Variants in KLHL8 observed in about 807,000 individuals in gnomAD.
KLHL8 encodes kelch-like protein 8.
Under a neutral mutation model 63.5 loss-of-function variants are expected in KLHL8, and 38 were observed. That is an observed-to-expected ratio of 0.60 (90% CI 0.46 to 0.78). The LOEUF (loss-of-function observed/expected upper bound fraction) is 0.78, where lower values mean the gene tolerates loss of function less well. Ranked by LOEUF, KLHL8 falls within the 30% of genes least tolerant of loss-of-function variation. The pLI, the probability that KLHL8 is intolerant of heterozygous loss-of-function variation, is 0.00. For synonymous variants in KLHL8, 224 were observed against 254.3 expected, an observed-to-expected ratio of 0.88 and a Z score of 1.13; for missense variants, 566 against 752.4, an observed-to-expected ratio of 0.75 and a Z score of 2.90.
chr4:87,216,669 T>C (rs761456633), intron 1 of KLHL8, among the ~76,000 whole-genome samples: 8 of 152,076 alleles, frequency 5.3e-5, no homozygotes, highest in Non-Finnish European at 1.2e-4. Flanking sequence ...CATAATTCTC[T>C]CTCTGACTCA....
At chr4:87,220,267 T>C (rs890244497) in intron 1 of KLHL8, 151 bp downstream of exon 1, 3 of 152,162 alleles carry the variant, frequency 2.0e-5, no homozygotes, top group Non-Finnish European at 4.4e-5. Flanking sequence ...GGGCTCGAAT[T>C]TCCTCCGCAC....
chr4:87,218,920 G>C (rs979599263), intron 1 of KLHL8, among the ~76,000 whole-genome samples: 2 of 152,008 alleles, frequency 1.3e-5, no homozygotes, highest in Admixed American at 1.3e-4. Context: ...ATTTTTAGTA[G>C]AGATGGGGTT....
chr4:87,199,114 T>A (rs1189604620), intron 1 of KLHL8, among the ~76,000 whole-genome samples: 1 of 151,912 alleles, frequency 6.6e-6, no homozygotes, highest in Admixed American at 6.6e-5. Context: ...ACTTTAAGTA[T>A]AAAGACACAA....
At chr4:87,201,664 A>G (rs1731924654) in intron 1 of KLHL8, among the ~76,000 whole-genome samples, 1 of 152,222 alleles carries the variant, frequency 6.6e-6, no homozygotes, top group African/African-American at 2.4e-5. Flanking sequence ...AAGAAATTAC[A>G]TTGTATAAAA....
At chr4:87,194,601 G>C (rs1731624563) in intron 2 of KLHL8, among the ~76,000 whole-genome samples, 1 of 152,210 alleles carries the variant, frequency 6.6e-6, no homozygotes, top group Non-Finnish European at 1.5e-5. Flanking sequence ...TTAAGCCCAA[G>C]AGTTCACCAA....
chr4:87,178,748 G>A, intron 4 of KLHL8, 128 bp from the exon 5 acceptor site: 1 of 857,898 alleles, frequency 1.2e-6, no homozygotes, highest in Non-Finnish European at 1.7e-6. Flanking sequence ...ATGTTATTAT[G>A]TTACTAGAAA....
intron 2 of KLHL8, among the ~76,000 whole-genome samples, chr4:87,191,054 G>A (rs1342791657): frequency 6.6e-6 from 1 of 152,134 alleles, no homozygotes; most frequent in Admixed American, 6.5e-5. Flanking sequence ...AGATGGCTTA[G>A]GTTTCTACAT....
chr4:87,163,797 C>T, intron 9 of KLHL8, 81 bp downstream of exon 9: 1 of 1,535,674 alleles, frequency 6.5e-7, no homozygotes, highest in Admixed American at 1.7e-5. Context: ...TTAACTACGA[C>T]TAGCAACATT....
intron 1 of KLHL8, chr4:87,207,256 T>A: frequency 1.7e-6 from 1 of 572,594 alleles, no homozygotes; most frequent in Non-Finnish European, 3.3e-6. Flanking sequence ...GCAAATTCCA[T>A]GCACCGTAAA....
Position 87,160,709 on chromosome 4 carries a change from A to C in KLHL8, c.*2810T>G, listed in dbSNP as rs964324775. On this transcript the variant is annotated 3_prime_UTR_variant, in exon 10 of 10. Transcript: ENST00000273963. ...CGCAATATAGTAAAGCAATGGCTTT[A>C]ATGACTAAATGAAAGAATCACAAAG... 3.9e-5 allele frequency: 6 copies of C among 152,252 alleles called. No individual in the cohort carries two copies. The highest frequency in any genetic ancestry group is 5.9e-5 in the Non-Finnish European group (4 of 68,042). 9.4% of individuals were successfully genotyped at this position (152,252 alleles called of 1,614,324 possible).
chr4:87,174,280 C>T (rs977703485), intron 6 of KLHL8, among the ~76,000 whole-genome samples: 1 of 148,302 alleles, frequency 6.7e-6, no homozygotes, highest in Admixed American at 6.8e-5. Context: ...ATATCACCTG[C>T]AAGTTTTTTT....
intron 1 of KLHL8, among the ~76,000 whole-genome samples, chr4:87,230,195 T>C (rs533916073): frequency 6.6e-6 from 1 of 151,610 alleles, no homozygotes; most frequent in South Asian, 2.1e-4. Context: ...ACCTCTTGAC[T>C]AAGGTCTTGA....
chr4:87,220,088 G>T (rs1418218235), intron 1 of KLHL8: 1 of 152,706 alleles, frequency 6.5e-6, no homozygotes, highest in African/African-American at 2.4e-5. Flanking sequence ...GAGCTGCCGG[G>T]GAGGCTGACA....
rs374205931 is a variant in KLHL8, at chr4:87,163,899, G to A, written c.1718C>T (p.Ala573Val). Residue 573 changes from alanine to valine, a missense_variant, in exon 9 of 10, where the codon GCG (alanine) becomes GTG (valine). Transcript: ENST00000273963. ...TTACCTATTCAGCACTGGATCAAAC[G>A]CTTCTACTGTATTTAAGTATGCATT... ...NGNAYLNTVE[A>V]FDPVLNRWEL... is the part of the protein sequence containing the mutation. 77 of 1,613,784 alleles carry A rather than the reference G, an allele frequency of 4.8e-5. No individual in the cohort carries two copies. Among genetic ancestry groups the A allele is most frequent in the Non-Finnish European group, 6.2e-5 (73 of 1,179,920 alleles).
At chr4:87,213,020 C>A (rs1163253917) in intron 1 of KLHL8, among the ~76,000 whole-genome samples, 1 of 152,208 alleles carries the variant, frequency 6.6e-6, no homozygotes, top group Non-Finnish European at 1.5e-5. Flanking sequence ...TTGTTAAATA[C>A]TAATGTCATT....
At chr4:87,183,483 A>G in intron 3 of KLHL8, 94 bp from the exon 4 acceptor site, 3 of 971,214 alleles carry the variant, frequency 3.1e-6, no homozygotes, top group Non-Finnish European at 4.5e-6. Flanking sequence ...TGAAAACAAG[A>G]TGAGTAATTC....
chr4:87,210,154 A>G (rs1732343117), intron 1 of KLHL8, among the ~76,000 whole-genome samples: 1 of 149,056 alleles, frequency 6.7e-6, no homozygotes, highest in Non-Finnish European at 1.5e-5. Context: ...CACTACGCCC[A>G]GCCCCAAATG....
At chr4:87,200,356 C>G (rs748215233) in intron 1 of KLHL8, among the ~76,000 whole-genome samples, 3 of 152,198 alleles carry the variant, frequency 2.0e-5, no homozygotes, top group Non-Finnish European at 4.4e-5. Flanking sequence ...CATCCTCCTA[C>G]ATATTTTAAA....
chr4:87,170,354 T>C, intron 7 of KLHL8, 93 bp downstream of exon 7: 1 of 1,428,614 alleles, frequency 7.0e-7, no homozygotes, highest in East Asian at 2.3e-5. Context: ...ATATATAATA[T>C]CTTCATACTG....
Sources: gnomAD v4.1 joint callset for allele counts (sites outside exome capture counted in the v4.1 genomes callset) on GRCh38, gnomAD v4.1.1 for gene constraint, MANE v1.5 for transcripts, NCBI Gene and HGNC (gene_info 2026-07-23, HGNC 2026-07-21) for gene names.